The following UBASH3B variants were observed in gnomAD, a reference collection of about 807,000 sequenced individuals.
UBASH3B encodes the protein ubiquitin associated and SH3 domain containing B, also known as ubiquitin-associated and SH3 domain-containing protein B.
In UBASH3B, 37 loss-of-function variants were observed where a neutral mutation model predicts 83.4. That is an observed-to-expected ratio of 0.44 (90% CI 0.34 to 0.58). UBASH3B has a LOEUF of 0.58. Among genes scored for constraint, UBASH3B ranks in the 20% least tolerant of loss-of-function variants. The pLI is 0.01. For missense variants in UBASH3B, 657 were observed against 827.2 expected, an observed-to-expected ratio of 0.79 and a Z score of 2.52; for synonymous variants, 304 against 318.3, an observed-to-expected ratio of 0.96 and a Z score of 0.48.
rs979543145 is a variant in UBASH3B, at chr11:122,755,857, T to C, written c.162-20362T>C. On this transcript the variant is annotated intron_variant, in intron 1 of 13. Transcript: ENST00000284273. ...CATAAACATAGGTAATTAATTATAA[T>C]CTGCTTTTTTCCCATACTCACTGAT... Among the ~76,000 whole-genome samples the C allele has an allele frequency of 3.3e-5, 5 of 152,208 alleles. No homozygotes were observed. In the East Asian group the frequency reaches 7.7e-4, roughly 23 times the overall value.
intron 1 of UBASH3B, among the ~76,000 whole-genome samples, chr11:122,691,999 G>A (rs2135920393): frequency 6.6e-6 from 1 of 152,234 alleles, no homozygotes; most frequent in South Asian, 2.1e-4. Flanking sequence ...AGGCCAGAGT[G>A]GTAGTTAAGA....
intron 1 of UBASH3B, among the ~76,000 whole-genome samples, chr11:122,766,321 C>T (rs1429570359): frequency 1.3e-5 from 2 of 151,996 alleles, no homozygotes; most frequent in African/African-American, 2.4e-5. Flanking sequence ...CTGAGGTGGG[C>T]GGATCACGAG....
chr11:122,707,558 A>AT (rs1864137585), intron 1 of UBASH3B, among the ~76,000 whole-genome samples: 1 of 152,236 alleles, frequency 6.6e-6, no homozygotes, highest in Middle Eastern at 3.4e-3. Flanking sequence ...ATTTTTTGTC[A>AT]TTACTAACCA....
intron 13 of UBASH3B, among the ~76,000 whole-genome samples, chr11:122,809,107 C>G (rs1370562821): frequency 1.3e-5 from 2 of 151,434 alleles, no homozygotes; most frequent in Non-Finnish European, 2.9e-5. Context: ...CAGAGCCTTG[C>G]TCTGTCACCC....
intron 8 of UBASH3B, 100 bp downstream of exon 8, chr11:122,796,376 T>G: frequency 6.5e-7 from 1 of 1,527,050 alleles, no homozygotes; most frequent in Non-Finnish European, 8.8e-7. Flanking sequence ...TTCATAGTTT[T>G]GCGTACTATA....
At chr11:122,681,088 C>T (rs1397347553) in intron 1 of UBASH3B, among the ~76,000 whole-genome samples, 4 of 152,122 alleles carry the variant, frequency 2.6e-5, no homozygotes, top group South Asian at 2.1e-4. Flanking sequence ...AATGAAGTTT[C>T]GCTAGAAATT....
chr11:122,780,333 G>A (rs1860827938), intron 4 of UBASH3B, among the ~76,000 whole-genome samples: 1 of 152,214 alleles, frequency 6.6e-6, no homozygotes, highest in African/African-American at 2.4e-5. Flanking sequence ...AAAGGAATTA[G>A]CTTAAGGGGG....
At chr11:122,702,927 A>G (rs1009374324) in intron 1 of UBASH3B, among the ~76,000 whole-genome samples, 6 of 152,150 alleles carry the variant, frequency 3.9e-5, no homozygotes, top group African/African-American at 1.4e-4. Flanking sequence ...CTTACTACTA[A>G]TCCTGATTCT....
chr11:122,686,865 A>ATT (rs35718008), intron 1 of UBASH3B, among the ~76,000 whole-genome samples: 1 of 146,968 alleles, frequency 6.8e-6, no homozygotes, highest in African/African-American at 2.5e-5. Flanking sequence ...AAATGAAGGT[A>ATT]TTTTTTTTTT....
At chr11:122,782,901 T>G in intron 4 of UBASH3B, 152 bp from the exon 5 acceptor site, 1 of 890,270 alleles carries the variant, frequency 1.1e-6, no homozygotes, top group Non-Finnish European at 1.7e-6. Flanking sequence ...ACCCCCTTAT[T>G]CTACTGCTGT....
chr11:122,670,229 T>G (rs1210654634), intron 1 of UBASH3B, among the ~76,000 whole-genome samples: 1 of 152,014 alleles, frequency 6.6e-6, no homozygotes, highest in Non-Finnish European at 1.5e-5. Context: ...AGCTCCCAAC[T>G]GTGAGAAAAT....
At chr11:122,737,866 G>T (rs568588124) in intron 1 of UBASH3B, among the ~76,000 whole-genome samples, 5 of 152,152 alleles carry the variant, frequency 3.3e-5, no homozygotes, top group Non-Finnish European at 7.4e-5. Flanking sequence ...AGAAGCTGGA[G>T]GTATGGCCCA....
At chr11:122,667,574 G>A (rs1012526266) in intron 1 of UBASH3B, among the ~76,000 whole-genome samples, 1 of 152,132 alleles carries the variant, frequency 6.6e-6, no homozygotes, top group African/African-American at 2.4e-5. Flanking sequence ...AGTGTGGGAG[G>A]GTGAGGGTCA....
chr11:122,738,672 T>C (rs940476280), intron 1 of UBASH3B, among the ~76,000 whole-genome samples: 1 of 152,132 alleles, frequency 6.6e-6, no homozygotes, highest in Non-Finnish European at 1.5e-5. Flanking sequence ...GCAGATCACC[T>C]GAAGTCAGGA....
At position 122,802,972 on chromosome 11, in the gene UBASH3B, T is replaced by C. The variant is rs116144440; in HGVS notation, c.1595+1640T>C. On this transcript the variant is annotated intron_variant, in intron 11 of 13. Transcript: ENST00000284273. Reference sequence around the variant, plus strand: ...ATTTCCTCTAGATGTGTTTTGCCATTGCCTCCCAAGCGGCCTTACAAAGGT... The same window carrying C: ...ATTTCCTCTAGATGTGTTTTGCCATCGCCTCCCAAGCGGCCTTACAAAGGT... Among the ~76,000 whole-genome samples the C allele has an allele frequency of 9.5e-3, 1,447 of 152,226 alleles. 18 individuals carry two copies. Among genetic ancestry groups the C allele is most frequent in the African/African-American group, 0.033 (1,365 of 41,532 alleles).
chr11:122,758,140 C>T lies in UBASH3B; in HGVS notation c.162-18079C>T, dbSNP rs893932817. Among the ~76,000 whole-genome samples the T allele has an allele frequency of 3.9e-5, 6 of 151,984 alleles. No homozygotes were observed. Among genetic ancestry groups the T allele is most frequent in the African/African-American group, 1.5e-4 (6 of 41,356 alleles). On this transcript the variant is annotated intron_variant, in intron 1 of 13. Transcript: ENST00000284273. This position sits in a 1 kb window ranked among gnomAD's most constrained non-coding sequence, Gnocchi z 4.2. Reference sequence around the variant, plus strand: ...TCCCTGAGCGCTGGGAACTGAGGCCCAGAAGGAAGGCGAAGATGTGGCCGG... The same window carrying T: ...TCCCTGAGCGCTGGGAACTGAGGCCTAGAAGGAAGGCGAAGATGTGGCCGG...
Position 122,809,681 on chromosome 11 carries a change from A to G in UBASH3B, c.1813-68A>G, listed in dbSNP as rs983737820. The G allele has an allele frequency of 4.5e-6, 7 of 1,542,528 alleles. No homozygotes were observed. In the Admixed American group the frequency reaches 5.3e-5, roughly 12 times the overall value. ...TCTAGGGCCACATGAATATCTTTGT[A>G]TTTAGGTAAAAGTTAAAGCATTAAA... On this transcript the variant is annotated intron_variant, in intron 13 of 13. Coordinates refer to ENST00000284273, the MANE Select transcript of UBASH3B (RefSeq NM_032873.5).
chr11:122,762,522 G>A (rs1861387983), intron 1 of UBASH3B, among the ~76,000 whole-genome samples: 1 of 152,204 alleles, frequency 6.6e-6, no homozygotes, highest in African/African-American at 2.4e-5. Context: ...GAAGACAACA[G>A]TGGGAAATGT....
chr11:122,700,047 T>C (rs1816024306), intron 1 of UBASH3B, among the ~76,000 whole-genome samples: 1 of 152,160 alleles, frequency 6.6e-6, no homozygotes, highest in Non-Finnish European at 1.5e-5. Context: ...CCGTATTCAG[T>C]GGGTAGGTTT....
Sources: allele counts gnomAD v4.1 joint callset (sites outside exome capture counted in the v4.1 genomes callset), GRCh38; gene constraint gnomAD v4.1.1; non-coding constraint Gnocchi (gnomAD v3.1); transcripts MANE v1.5; gene names NCBI Gene and HGNC (gene_info 2026-07-23, HGNC 2026-07-21).